The following CDH8 variants were observed in gnomAD, a reference collection of about 807,000 sequenced individuals.
CDH8 encodes the protein cadherin-8.
In CDH8, 17 loss-of-function variants were observed where a neutral mutation model predicts 68.1. That is an observed-to-expected ratio of 0.25 (90% CI 0.17 to 0.37). The LOEUF is 0.37. Among genes scored for constraint, CDH8 ranks in the 10% least tolerant of loss-of-function variants. The probability of loss-of-function intolerance (pLI) is 1.00; values close to 1 mark genes in which losing one functional copy is unlikely to be tolerated. For missense variants in CDH8, 763 were observed against 999.3 expected (o/e 0.76, Z 3.19); for synonymous variants, 372 against 365.1 (o/e 1.02, Z -0.21).
chr16:61,679,864 G>T (rs149167254), intron 10 of CDH8, among the ~76,000 whole-genome samples: 8 of 151,862 alleles, frequency 5.3e-5, no homozygotes, highest in Non-Finnish European at 1.0e-4. Flanking sequence ...AAGGATCACT[G>T]CTTCATTGTA....
chr16:61,853,974 ATATG>A (rs1179470083), intron 4 of CDH8, among the ~76,000 whole-genome samples: 2 of 145,798 alleles, frequency 1.4e-5, no homozygotes, highest in South Asian at 2.1e-4. Flanking sequence ...ACATGTACAT[ATATG>A]TATGTATAAA....
intron 7 of CDH8, among the ~76,000 whole-genome samples, chr16:61,802,096 TC>T (rs1164341439): frequency 7.1e-6 from 1 of 141,048 alleles, no homozygotes; most frequent in Non-Finnish European, 1.5e-5. Flanking sequence ...GCAGTGGTTC[TC>T]CCAGCACACA....
chr16:61,788,140 C>T (rs1371336324), intron 8 of CDH8, among the ~76,000 whole-genome samples: 1 of 151,556 alleles, frequency 6.6e-6, no homozygotes, highest in African/African-American at 2.4e-5. Context: ...TTCACTCTTT[C>T]ACACAAGCGT....
At chr16:61,918,840 T>C (rs2143380432) in intron 2 of CDH8, 1 of 151,436 alleles carries the variant, frequency 6.6e-6, no homozygotes, top group East Asian at 2.0e-4. Flanking sequence ...TGCCTGCCTC[T>C]GTAGGCTCCA....
chr16:61,848,134 A>T (rs1962851486), intron 4 of CDH8, among the ~76,000 whole-genome samples: 1 of 152,114 alleles, frequency 6.6e-6, no homozygotes, highest in Admixed American at 6.6e-5. Context: ...TATACAATTT[A>T]ATTCTGAAGG....
At chr16:61,910,479 TG>T (rs1453736742) in intron 2 of CDH8, among the ~76,000 whole-genome samples, 2 of 152,132 alleles carry the variant, frequency 1.3e-5, no homozygotes, top group Non-Finnish European at 2.9e-5. Flanking sequence ...GATTTAAAAG[TG>T]TTCAGACTGT....
At chr16:62,019,879 T>C (rs116796309) in intron 2 of CDH8, among the ~76,000 whole-genome samples, 2 of 152,246 alleles carry the variant, frequency 1.3e-5, no homozygotes, top group Non-Finnish European at 2.9e-5. Context: ...CAACAGACAA[T>C]AAACACTCAG....
At position 61,648,029 on chromosome 16, in the gene CDH8, C is replaced by T. The variant is rs879857836; in HGVS notation, c.*5579G>A. 2 of 575,172 alleles carry T rather than the reference C, an allele frequency of 3.5e-6. No homozygotes were observed. The highest frequency in any genetic ancestry group is 6.2e-6 in the Non-Finnish European group (2 of 323,638). 35.6% of individuals were successfully genotyped at this position (575,172 alleles called of 1,614,324 possible). On this transcript the variant is annotated 3_prime_UTR_variant, in exon 12 of 12. Transcript: ENST00000577390. ...TACCCAAAGGCACTATTTTCACCAG[C>T]AAATGCCTACTAACCTTGAGACCTA...
At chr16:61,909,651 T>A (rs370677404) in intron 2 of CDH8, among the ~76,000 whole-genome samples, 1 of 151,830 alleles carries the variant, frequency 6.6e-6, no homozygotes. Context: ...AGAGGAGGAG[T>A]AGACAGAATA....
At position 61,650,964 on chromosome 16, in the gene CDH8, G is replaced by C. The variant is rs767612498; in HGVS notation, c.*2644C>G. 1 of 151,968 alleles carries C rather than the reference G, an allele frequency of 6.6e-6. No individual in the cohort carries two copies. Among genetic ancestry groups the C allele is most frequent in the Non-Finnish European group, 1.5e-5 (1 of 67,994 alleles). The allele number at this position is 151,968 out of a possible 1,614,324, so 9.4% of individuals were successfully genotyped here. On this transcript the variant is annotated 3_prime_UTR_variant, in exon 12 of 12. Coordinates refer to ENST00000577390, the MANE Select transcript of CDH8 (RefSeq NM_001796.5). The stretch of plus-strand genomic sequence containing the variant: ...CAAAGAGAATACTTAGGCGATATTT[G>C]GGCAACTAGTAGAGCAGACATTATC...
intron 2 of CDH8, among the ~76,000 whole-genome samples, chr16:61,952,199 G>A (rs1176133321): frequency 1.3e-5 from 2 of 152,104 alleles, no homozygotes; most frequent in Admixed American, 1.3e-4. Flanking sequence ...TCTTCCATGG[G>A]TTTGTGAAAT....
chr16:61,813,581 G>A (rs922172001), intron 7 of CDH8, among the ~76,000 whole-genome samples: 4 of 152,042 alleles, frequency 2.6e-5, no homozygotes, highest in Non-Finnish European at 5.9e-5. Flanking sequence ...CCACGGGCAG[G>A]GGGAGAAGCC....
At chr16:62,028,882 A>G (rs930461583) in intron 1 of CDH8, among the ~76,000 whole-genome samples, 2 of 152,194 alleles carry the variant, frequency 1.3e-5, no homozygotes, top group African/African-American at 4.8e-5. Context: ...TCACATGTTC[A>G]GAATTTAACA....
intron 2 of CDH8, among the ~76,000 whole-genome samples, chr16:61,927,361 C>A (rs1365640394): frequency 6.6e-6 from 1 of 151,974 alleles, no homozygotes; most frequent in South Asian, 2.1e-4. Flanking sequence ...TATTTTATTT[C>A]TCCTTCCTTA....
At position 61,652,681 on chromosome 16, in the gene CDH8, A is replaced by C; in HGVS notation, c.*927T>G. Reference sequence around the variant, plus strand: ...AAAGGATTATTAATGGATATAATTTAGTTTTTTCCCATATATCCCCTTAAT... The same window carrying C: ...AAAGGATTATTAATGGATATAATTTCGTTTTTTCCCATATATCCCCTTAAT... On this transcript the variant is annotated 3_prime_UTR_variant, in exon 12 of 12. Coordinates refer to ENST00000577390, the MANE Select transcript of CDH8 (RefSeq NM_001796.5). 1 of 1,191,792 alleles carries C rather than the reference A, an allele frequency of 8.4e-7. No homozygotes were observed. Among genetic ancestry groups the C allele is most frequent in the Non-Finnish European group, 1.1e-6 (1 of 941,222 alleles). The allele number at this position is 1,191,792 out of a possible 1,614,324, so 73.8% of individuals were successfully genotyped here.
intron 2 of CDH8, among the ~76,000 whole-genome samples, chr16:61,902,169 T>A (rs1963986244): frequency 6.6e-6 from 1 of 152,196 alleles, no homozygotes; most frequent in African/African-American, 2.4e-5. Flanking sequence ...GAGGCCAGAA[T>A]TTAGGAGTAC....
intron 7 of CDH8, among the ~76,000 whole-genome samples, chr16:61,796,161 TA>T (rs1167132800): frequency 6.6e-6 from 1 of 150,772 alleles, no homozygotes; most frequent in Non-Finnish European, 1.5e-5. Context: ...AAAAGAGAAA[TA>T]AAAAAGGGAA....
chr16:61,971,020 G>A (rs1965330695), intron 2 of CDH8, among the ~76,000 whole-genome samples: 1 of 150,408 alleles, frequency 6.6e-6, no homozygotes, highest in Non-Finnish European at 1.5e-5. Context: ...AAGGTACTTT[G>A]TAATCTCCCC....
At chr16:61,917,396 T>G (rs952563249) in intron 2 of CDH8, among the ~76,000 whole-genome samples, 43 of 152,134 alleles carry the variant, frequency 2.8e-4, no homozygotes, top group African/African-American at 1.0e-3. Flanking sequence ...CTGGGCTCTG[T>G]TCCTGTCCCT....
Sources: allele counts gnomAD v4.1 joint callset (sites outside exome capture counted in the v4.1 genomes callset), GRCh38; gene constraint gnomAD v4.1.1; transcripts MANE v1.5; gene names NCBI Gene and HGNC (gene_info 2026-07-23, HGNC 2026-07-21).